The following VWA8 variants were observed in gnomAD, a reference collection of about 807,000 sequenced individuals.
The protein encoded by VWA8 is von Willebrand factor A domain-containing protein 8.
Under a neutral mutation model 241.5 loss-of-function variants are expected in VWA8, and 221 were observed. The ratio of observed to expected loss-of-function variants is 0.91; its 90% confidence interval spans 0.82 to 1.02. The LOEUF (loss-of-function observed/expected upper bound fraction) is 1.02. Among genes scored for constraint, VWA8 ranks in the 50% least tolerant of loss-of-function variants. The pLI is 0.00. For synonymous variants in VWA8, 852 were observed against 827.1 expected, an observed-to-expected ratio of 1.03 and a Z score of -0.52; for missense variants, 2,322 against 2,328.7, an observed-to-expected ratio of 1.00 and a Z score of 0.06.
chr13:41,795,402 T>A (rs1869646183), intron 17 of VWA8, among the ~76,000 whole-genome samples: 3 of 152,250 alleles, frequency 2.0e-5, no homozygotes, highest in South Asian at 4.2e-4. Flanking sequence ...TCCTCAAAGA[T>A]CTAGAGGCAG....
chr13:41,833,477 T>C lies in VWA8; in HGVS notation c.1480A>G (p.Thr494Ala). 1 of 1,613,952 alleles carries C rather than the reference T, an allele frequency of 6.2e-7. No homozygotes were observed. Among genetic ancestry groups the C allele is most frequent in the Non-Finnish European group, 8.5e-7 (1 of 1,179,928 alleles). Residue 494 changes from threonine to alanine, a missense_variant, in exon 13 of 45, where the codon ACT becomes GCT. Thr to Ala is a moderately conservative substitution (Grantham distance 58). Coordinates refer to ENST00000379310, the MANE Select transcript of VWA8 (RefSeq NM_015058.2). ...ACAAGGGGTGAGGACCGCCAGGCAG[T>C]GTCTCCATTTGGAAGGGTGTATCTC... ...QQRYTLPNGD[T>A]AWRSSPLVNA...
intron 13 of VWA8, among the ~76,000 whole-genome samples, chr13:41,832,204 T>C (rs891857104): frequency 1.2e-4 from 18 of 152,050 alleles, no homozygotes; most frequent in Admixed American, 3.9e-4. Flanking sequence ...ACTGGGATGA[T>C]AGGCGTGAGC....
chr13:41,749,720 C>T (rs1430442919), intron 21 of VWA8, among the ~76,000 whole-genome samples: 15 of 152,026 alleles, frequency 9.9e-5, no homozygotes, highest in Admixed American at 9.8e-4. Context: ...ATGGATGAAG[C>T]TCGAAACCAT....
At chr13:41,797,604 C>T (rs1030384693) in intron 17 of VWA8, among the ~76,000 whole-genome samples, 20 of 152,238 alleles carry the variant, frequency 1.3e-4, no homozygotes, top group Middle Eastern at 6.8e-3. Context: ...TTGTTTCTGT[C>T]ATACAGTGTT....
At chr13:41,711,456 T>G (rs1425478411) in intron 26 of VWA8, among the ~76,000 whole-genome samples, 1 of 152,236 alleles carries the variant, frequency 6.6e-6, no homozygotes, top group Non-Finnish European at 1.5e-5. Context: ...CTCTAAGTTG[T>G]AATGACTTAA....
intron 22 of VWA8, 143 bp downstream of exon 22, chr13:41,731,937 A>T: frequency 1.6e-6 from 1 of 643,554 alleles, no homozygotes; most frequent in Non-Finnish European, 2.5e-6. Context: ...TTCTTTATAA[A>T]TTACCCCGTC....
At chr13:41,651,959 G>A (rs2044872223) in intron 37 of VWA8, among the ~76,000 whole-genome samples, 1 of 152,220 alleles carries the variant, frequency 6.6e-6, no homozygotes, top group Non-Finnish European at 1.5e-5. Flanking sequence ...TACTCCCAGT[G>A]TGAAACATTC....
intron 17 of VWA8, among the ~76,000 whole-genome samples, chr13:41,795,877 G>A (rs1869676961): frequency 6.6e-6 from 1 of 152,032 alleles, no homozygotes; most frequent in South Asian, 2.1e-4. Context: ...GTTGATCTGT[G>A]CAGCAAACCA....
At chr13:41,949,593 C>T (rs1302600526) in intron 2 of VWA8, among the ~76,000 whole-genome samples, 1 of 151,312 alleles carries the variant, frequency 6.6e-6, no homozygotes, top group Admixed American at 6.6e-5. Flanking sequence ...CCTGCGTGTA[C>T]TGCACATGTG....
intron 4 of VWA8, among the ~76,000 whole-genome samples, chr13:41,898,371 C>G (rs1458026549): frequency 2.0e-5 from 3 of 152,022 alleles, no homozygotes; most frequent in Non-Finnish European, 4.4e-5. Context: ...CAAGGCCCCA[C>G]CAGAGCAGCT....
intron 35 of VWA8, among the ~76,000 whole-genome samples, chr13:41,679,467 T>C (rs937203079): frequency 6.6e-6 from 1 of 152,210 alleles, no homozygotes; most frequent in African/African-American, 2.4e-5. Flanking sequence ...TACCAAATTT[T>C]TGATTTTACC....
At chr13:41,590,893 A>G in intron 40 of VWA8, 128 bp from the exon 41 acceptor site, 3 of 1,188,810 alleles carry the variant, frequency 2.5e-6, no homozygotes, top group Non-Finnish European at 3.6e-6. Context: ...GCATGAACAC[A>G]GTCATATAAA....
intron 40 of VWA8, among the ~76,000 whole-genome samples, chr13:41,602,378 C>T (rs1409181525): frequency 6.6e-6 from 1 of 152,110 alleles, no homozygotes; most frequent in Admixed American, 6.6e-5. Flanking sequence ...ACCTGCCTCG[C>T]TAGCCATACA....
chr13:41,731,607 G>GC (rs1247391694), intron 22 of VWA8, among the ~76,000 whole-genome samples: 5 of 152,100 alleles, frequency 3.3e-5, no homozygotes, highest in Non-Finnish European at 5.9e-5. Flanking sequence ...TTCCAGTTAG[G>GC]CTGAAACGTA....
chr13:41,777,090 A>G (rs1356920923), intron 20 of VWA8, among the ~76,000 whole-genome samples: 4 of 152,222 alleles, frequency 2.6e-5, no homozygotes, highest in African/African-American at 9.7e-5. Context: ...CTGTAAACCT[A>G]AAATTTTCAT....
At chr13:41,632,209 A>C (rs578111705) in intron 37 of VWA8, among the ~76,000 whole-genome samples, 20 of 152,306 alleles carry the variant, frequency 1.3e-4, no homozygotes, top group African/African-American at 4.6e-4. Context: ...TTAAAGCTCA[A>C]TGATCTCTCA....
chr13:41,956,285 CCT>C (rs1878349396), intron 1 of VWA8, among the ~76,000 whole-genome samples: 1 of 152,140 alleles, frequency 6.6e-6, no homozygotes, highest in South Asian at 2.1e-4. Flanking sequence ...CTAAATGTCC[CCT>C]GAGGGGGAGA....
chr13:41,673,288 T>C lies in VWA8; in HGVS notation c.4409+1927A>G, dbSNP rs142163440. 1.7e-3 allele frequency among the ~76,000 whole-genome samples: 256 copies of C among 152,324 alleles called. 1 individual carries two copies. Among genetic ancestry groups the C allele is most frequent in the African/African-American group, 5.9e-3 (246 of 41,582 alleles). ...ATTTTGGCCCTGAAGCTACATACAG[T>C]TTTATTGTATTTTCTATTATTTGAA... On this transcript the variant is annotated intron_variant, in intron 36 of 44. Coordinates refer to ENST00000379310, the MANE Select transcript of VWA8 (RefSeq NM_015058.2).
intron 14 of VWA8, among the ~76,000 whole-genome samples, chr13:41,825,687 A>G (rs528936014): frequency 6.6e-6 from 1 of 152,300 alleles, no homozygotes; most frequent in East Asian, 1.9e-4. Flanking sequence ...AAAGCTTAAT[A>G]TAAGTAAATA....
Sources: allele counts gnomAD v4.1 joint callset (sites outside exome capture counted in the v4.1 genomes callset), GRCh38; gene constraint gnomAD v4.1.1; transcripts MANE v1.5; gene names NCBI Gene and HGNC (gene_info 2026-07-23, HGNC 2026-07-21).